The following SIPA1L2 variants were observed in gnomAD, a reference collection of about 807,000 sequenced individuals.
The protein encoded by SIPA1L2 is signal induced proliferation associated 1 like 2.
Under a neutral mutation model 163.9 loss-of-function variants are expected in SIPA1L2, and 56 were observed. The ratio of observed to expected loss-of-function variants is 0.34; its 90% CI spans 0.28 to 0.43. The LOEUF (loss-of-function observed/expected upper bound fraction) is 0.43. SIPA1L2 is among the 20% of genes least tolerant of loss of function. The probability of loss-of-function intolerance (pLI) is 1.00; values close to 1 mark genes in which losing one functional copy is unlikely to be tolerated. For synonymous variants in SIPA1L2, 877 were observed against 865.7 expected (o/e 1.01, Z -0.23); for missense variants, 1,974 against 2,193.5 (o/e 0.90, Z 2.00).
chr1:232,627,537 A>C (rs2102899798), intron 1 of SIPA1L2, among the ~76,000 whole-genome samples: 1 of 152,254 alleles, frequency 6.6e-6, no homozygotes, highest in East Asian at 1.9e-4. Context: ...GGGGAGAAAA[A>C]AAAAAACACC....
Position 232,455,714 on chromosome 1 carries a change from C to CAAA in SIPA1L2, c.3095+5170_3095+5172dup, listed in dbSNP as rs1359853284. On this transcript the variant is annotated intron_variant, in intron 10 of 22. Transcript: ENST00000674635. ...TGGGCAACAGAGCGAGACTCTGTCTCAAAAAAAAAAAAAAAAAGAGAAAAT... is the reference window on the plus strand; with the variant it reads ...TGGGCAACAGAGCGAGACTCTGTCTCAAAAAAAAAAAAAAAAAAAAGAGAAAAT... 6.0e-4 allele frequency among the ~76,000 whole-genome samples: 50 copies of CAAA among 82,762 alleles called. No homozygotes were observed. The East Asian group carries it at 6.6e-3, about 11-fold the overall frequency. The allele number at this position is 82,762 out of a possible 152,430, so 54.3% of individuals were successfully genotyped here.
intron 2 of SIPA1L2, among the ~76,000 whole-genome samples, chr1:232,559,571 G>A (rs564092182): frequency 6.6e-6 from 1 of 152,202 alleles, no homozygotes; most frequent in South Asian, 2.1e-4. Flanking sequence ...ACACCAAAAT[G>A]TATATGCAGT....
At chr1:232,474,731 G>A (rs1376505326) in intron 7 of SIPA1L2, among the ~76,000 whole-genome samples, 1 of 151,358 alleles carries the variant, frequency 6.6e-6, no homozygotes, top group Non-Finnish European at 1.5e-5. Flanking sequence ...CCCAAAATAT[G>A]TACAACTATT....
chr1:232,563,953 T>G (rs1558270659), intron 2 of SIPA1L2, among the ~76,000 whole-genome samples: 9 of 130,092 alleles, frequency 6.9e-5, no homozygotes, highest in Non-Finnish European at 1.5e-5. Context: ...TGTTTTTTTT[T>G]TTCGTGTGTG....
At chr1:232,517,509 G>T (rs1393799265) in intron 2 of SIPA1L2, among the ~76,000 whole-genome samples, 1 of 152,186 alleles carries the variant, frequency 6.6e-6, no homozygotes, top group Non-Finnish European at 1.5e-5. Context: ...ATAAACCAGA[G>T]AAACTATTAA....
At chr1:232,428,622 A>G in intron 16 of SIPA1L2, 58 bp from the exon 17 acceptor site, 1 of 1,348,000 alleles carries the variant, frequency 7.4e-7, no homozygotes, top group Non-Finnish European at 9.8e-7. Flanking sequence ...TGTAGTGGTA[A>G]GAATTAAAAC....
intron 3 of SIPA1L2, among the ~76,000 whole-genome samples, chr1:232,495,107 A>T (rs928544534): frequency 6.6e-6 from 1 of 152,260 alleles, no homozygotes; most frequent in African/African-American, 2.4e-5. Context: ...CAGCACCTGA[A>T]TCACTCAGAA....
chr1:232,600,209 G>C (rs2102852265), intron 1 of SIPA1L2, among the ~76,000 whole-genome samples: 2 of 152,246 alleles, frequency 1.3e-5, no homozygotes, highest in East Asian at 3.9e-4. Context: ...TCAAATGAAG[G>C]GGCAGTGTTG....
chr1:232,597,444 A>G (rs867434782), intron 1 of SIPA1L2, among the ~76,000 whole-genome samples: 64 of 151,784 alleles, frequency 4.2e-4, no homozygotes, highest in African/African-American at 9.4e-4. Flanking sequence ...TTGGGAGGCC[A>G]AGGTGGGCGG....
At position 232,515,605 on chromosome 1, in the gene SIPA1L2, T is replaced by C. The variant is rs1667184734; in HGVS notation, c.-266A>G. Reference sequence around the variant, plus strand: ...ATCTGGCTGGTCATGAGTATTTCCTTCACCTGAATTAAGAGATAGGAAGTA... The same window carrying C: ...ATCTGGCTGGTCATGAGTATTTCCTCCACCTGAATTAAGAGATAGGAAGTA... On this transcript the variant is annotated 5_prime_UTR_variant, in exon 3 of 23. Transcript: ENST00000674635. The C allele has an allele frequency of 2.5e-6, 1 of 400,334 alleles. No individual in the cohort carries two copies. The allele number at this position is 400,334 out of a possible 1,614,324, so 24.8% of individuals were successfully genotyped here.
intron 2 of SIPA1L2, among the ~76,000 whole-genome samples, chr1:232,546,011 C>A (rs892547454): frequency 1.5e-4 from 23 of 152,190 alleles, no homozygotes; most frequent in Admixed American, 1.3e-3. Context: ...GCACAATCAG[C>A]AACCATGTTG....
chr1:232,564,425 G>C (rs72763151), intron 2 of SIPA1L2, among the ~76,000 whole-genome samples: 13,114 of 151,796 alleles, frequency 0.086, 611 homozygotes, highest in South Asian at 0.11. Context: ...AGGCCACAGA[G>C]GCAGAAAACA....
intron 1 of SIPA1L2, among the ~76,000 whole-genome samples, chr1:232,601,848 T>C (rs1558297527): frequency 1.3e-5 from 2 of 152,230 alleles, no homozygotes; most frequent in Non-Finnish European, 2.9e-5. Flanking sequence ...TAAGTCAATC[T>C]TCATATTATT....
In SIPA1L2 at chr1:232,607,759, T is replaced by TA. The variant is rs775834153; in HGVS notation, c.-319+22109_-319+22110insT. ...TTATTTCCCATATTTCACCTCTTTT[T>TA]TAAAAAAAAAAAAACGCCGGGCACA... On this transcript the variant is annotated intron_variant, in intron 1 of 22. Coordinates refer to ENST00000674635, the MANE Select transcript of SIPA1L2 (RefSeq NM_020808.5). Among the ~76,000 whole-genome samples, 164 of 144,872 alleles carry TA rather than the reference T, an allele frequency of 1.1e-3. 1 individual carries two copies. The highest frequency in any genetic ancestry group is 7.5e-3 in the South Asian group (33 of 4,398).
chr1:232,441,618 C>A lies in SIPA1L2; in HGVS notation c.3538+150G>T, dbSNP rs1415104601. 1.2e-5 allele frequency: 9 copies of A among 748,498 alleles called. No individual in the cohort carries two copies. The Admixed American group carries it at 2.2e-4, about 18-fold the overall frequency. 46.4% of individuals were successfully genotyped at this position (748,498 alleles called of 1,614,324 possible). On this transcript the variant is annotated intron_variant, in intron 13 of 22. Coordinates refer to ENST00000674635, the MANE Select transcript of SIPA1L2 (RefSeq NM_020808.5). ...ACCACAACCAACCATGACCACACCC[C>A]CTCCTGCATCTGGAGACCCAGCTGA...
intron 1 of SIPA1L2, among the ~76,000 whole-genome samples, chr1:232,586,587 A>C (rs1314954077): frequency 6.6e-6 from 1 of 152,186 alleles, no homozygotes; most frequent in East Asian, 1.9e-4. Flanking sequence ...AAAAACAGCT[A>C]CTCTAAATGA....
At position 232,399,141 on chromosome 1, in the gene SIPA1L2, C is replaced by T. The variant is rs772298908; in HGVS notation, c.5155G>A (p.Asp1719Asn). 65 of 1,613,872 alleles carry T rather than the reference C, an allele frequency of 4.0e-5. No individual in the cohort carries two copies. The highest frequency in any genetic ancestry group is 4.8e-5 in the Non-Finnish European group (57 of 1,180,022). ...GTGCGGATTGGCTAAGATTTTTTGT[C>T]GATGGTGGTGAAAAACCATTCTGTG... ...KFTEWFFTTI[D>N]KKS The change falls in exon 23 of 23, where the codon GAC becomes AAC. Residue 1719 changes from aspartate (D) to asparagine (N), a missense_variant. This residue lies in a region of SIPA1L2 where 1,079 missense variants were observed against 1,150.7 expected (regional missense o/e 0.94). Coordinates refer to ENST00000674635, the MANE Select transcript of SIPA1L2 (RefSeq NM_020808.5).
rs775181839 is a variant in SIPA1L2, at chr1:232,513,972, G to A, written c.1368C>T (p.Ser456=). Residue 456 remains serine (S), a synonymous_variant, in exon 3 of 23, where the codon TCC becomes TCT. Coordinates refer to ENST00000674635, the MANE Select transcript of SIPA1L2 (RefSeq NM_020808.5). ...GGTTTTCTCTGGGCACTTCCAAGAC[G>A]GAGACACCTGCATTTGTGCAGTGAG... The part of the protein sequence containing the change: ...LSSHCTNAGV[S]VLEVPRENQP... 2.9e-5 allele frequency: 47 copies of A among 1,614,056 alleles called. No individual in the cohort carries two copies. Among genetic ancestry groups the A allele is most frequent in the Middle Eastern group, 1.6e-4 (1 of 6,084 alleles).
chr1:232,570,819 C>T (rs1394854637), intron 2 of SIPA1L2, among the ~76,000 whole-genome samples: 1 of 151,638 alleles, frequency 6.6e-6, no homozygotes, highest in Non-Finnish European at 1.5e-5. Context: ...TTTAGATCTG[C>T]AACTCATACC....
Sources: gnomAD v4.1 joint callset for allele counts (sites outside exome capture counted in the v4.1 genomes callset) on GRCh38, gnomAD v4.1.1 for gene constraint, gnomAD v4.1.1 regional missense constraint, MANE v1.5 for transcripts, NCBI Gene and HGNC (gene_info 2026-07-23, HGNC 2026-07-21) for gene names.